The following NRG3 variants were observed in gnomAD, a reference collection of about 807,000 sequenced individuals.
NRG3 encodes neuregulin 3.
In NRG3, 31 loss-of-function variants were observed where a neutral mutation model predicts 66.9. The observed-to-expected ratio is 0.46, with a 90% confidence interval of 0.35 to 0.63. The LOEUF is 0.63. Ranked by LOEUF, NRG3 falls within the 20% of genes least tolerant of loss-of-function variation. The probability of loss-of-function intolerance (pLI) is 0.00; values close to 1 mark genes in which losing one functional copy is unlikely to be tolerated. For missense variants in NRG3, 910 were observed against 878.9 expected (o/e 1.04, Z -0.45); for synonymous variants, 393 against 359.4 (o/e 1.09, Z -1.06).
rs988044624 is a variant in NRG3 at position 81,964,897 on chromosome 10, T to A, written c.823+88734T>A. Among the ~76,000 whole-genome samples the A allele has an allele frequency of 2.6e-5, 4 of 152,238 alleles. 1 individual carries two copies. Among genetic ancestry groups the A allele is most frequent in the African/African-American group, 9.6e-5 (4 of 41,454 alleles). The stretch of plus-strand genomic sequence containing the variant: ...TTTCATCTTCTGTGACTATGTTTTG[T>A]TCATTTTATTATGGATACCATAGAA... On this transcript the variant is annotated intron_variant, in intron 1 of 8. Coordinates refer to ENST00000372141, the MANE Select transcript of NRG3 (RefSeq NM_001010848.4).
At chr10:82,845,683 A>G (rs1440157935) in intron 3 of NRG3, among the ~76,000 whole-genome samples, 4 of 152,246 alleles carry the variant, frequency 2.6e-5, no homozygotes, top group Admixed American at 2.0e-4. Flanking sequence ...TTTGCAATAT[A>G]TGAGGGAGAA....
rs146908467 is a variant in NRG3 at position 82,437,000 on chromosome 10, G to A, written c.953+78132G>A. Among the ~76,000 whole-genome samples the A allele has an allele frequency of 3.7e-3, 564 of 152,202 alleles. 1 individual carries two copies. The highest frequency in any genetic ancestry group is 0.013 in the African/African-American group (534 of 41,538). ...CCTTCATTTTAACCTTGGAGAATCT[G>A]ACGATTATGTGTCTTGGGGTTGATC... is the stretch of plus-strand genomic sequence containing the variant. On this transcript the variant is annotated intron_variant, in intron 2 of 8. Coordinates refer to ENST00000372141, the MANE Select transcript of NRG3 (RefSeq NM_001010848.4).
At position 81,938,851 on chromosome 10, in the gene NRG3, A is replaced by G. The variant is rs1848150201; in HGVS notation, c.823+62688A>G. 2.0e-5 allele frequency among the ~76,000 whole-genome samples: 3 copies of G among 151,934 alleles called. No homozygotes were observed. In the South Asian group the frequency reaches 6.2e-4, roughly 32 times the overall value. On this transcript the variant is annotated intron_variant, in intron 1 of 8. Coordinates refer to ENST00000372141, the MANE Select transcript of NRG3 (RefSeq NM_001010848.4). ...TGCCTTCTTCCTGATCATAGGGGAA[A>G]AGCTTTGAATTTTTTCTTGTTGAGT...
At chr10:82,453,583 A>G (rs2091123186) in intron 2 of NRG3, among the ~76,000 whole-genome samples, 1 of 152,172 alleles carries the variant, frequency 6.6e-6, no homozygotes. Flanking sequence ...TTATGTAGAG[A>G]GAAACCAATG....
chr10:81,975,155 A>G (rs2060072240), intron 1 of NRG3, among the ~76,000 whole-genome samples: 1 of 152,138 alleles, frequency 6.6e-6, no homozygotes, highest in South Asian at 2.1e-4. Flanking sequence ...AACTTGTTTT[A>G]TCCAAGGTGC....
chr10:82,290,024 A>G (rs570042578), intron 1 of NRG3, among the ~76,000 whole-genome samples: 3 of 152,228 alleles, frequency 2.0e-5, no homozygotes, highest in Non-Finnish European at 4.4e-5. Flanking sequence ...TGATCACTCA[A>G]AATGGATTTG....
chr10:82,303,981 A>C lies in NRG3; in HGVS notation c.824-54758A>C, dbSNP rs79793601. On this transcript the variant is annotated intron_variant, in intron 1 of 8. Coordinates refer to ENST00000372141, the MANE Select transcript of NRG3 (RefSeq NM_001010848.4). The stretch of plus-strand genomic sequence containing the variant: ...TGCTATCACAAGCAATGTAACATGA[A>C]TGACATTGTCATTTCCTGTGTAGGC... Among the ~76,000 whole-genome samples, 1,308 of 152,318 alleles carry C rather than the reference A, an allele frequency of 8.6e-3. 15 individuals carry two copies. The highest frequency in any genetic ancestry group is 0.029 in the African/African-American group (1,208 of 41,568).
Position 82,058,803 on chromosome 10 carries a change from C to A in NRG3, c.823+182640C>A, listed in dbSNP as rs966008581. On this transcript the variant is annotated intron_variant, in intron 1 of 8. Transcript: ENST00000372141. ...CCCTAAATCTAGGCACTACAGACAA[C>A]TGAAGAGGCAGTTCTTATTTAGGGT... 2.6e-5 allele frequency among the ~76,000 whole-genome samples: 4 copies of A among 152,054 alleles called. No homozygotes were observed. In the East Asian group the frequency reaches 7.7e-4, roughly 29 times the overall value.
At chr10:82,754,358 C>T (rs1193424684) in intron 3 of NRG3, among the ~76,000 whole-genome samples, 3 of 151,120 alleles carry the variant, frequency 2.0e-5, no homozygotes, top group Non-Finnish European at 4.4e-5. Flanking sequence ...CTTCCATATC[C>T]CCCAAAATTT....
chr10:82,257,926 A>G (rs1017124070), intron 1 of NRG3, among the ~76,000 whole-genome samples: 3 of 152,172 alleles, frequency 2.0e-5, no homozygotes, highest in African/African-American at 7.2e-5. Flanking sequence ...TTACCTGCTA[A>G]CTACAGGGCC....
intron 1 of NRG3, among the ~76,000 whole-genome samples, chr10:82,308,031 TA>T (rs2080837193): frequency 6.6e-6 from 1 of 152,208 alleles, no homozygotes; most frequent in Non-Finnish European, 1.5e-5. Flanking sequence ...CTATTTTTGA[TA>T]TTTTTTCTTA....
At chr10:82,336,447 T>A (rs938094059) in intron 1 of NRG3, among the ~76,000 whole-genome samples, 5 of 152,176 alleles carry the variant, frequency 3.3e-5, no homozygotes, top group African/African-American at 1.2e-4. Flanking sequence ...TAAATTGGAA[T>A]TTCTGTTAAA....
chr10:82,148,500 C>A (rs2070432292), intron 1 of NRG3, among the ~76,000 whole-genome samples: 1 of 151,974 alleles, frequency 6.6e-6, no homozygotes. Context: ...GCTTAAATAT[C>A]TTGTCTTATT....
At chr10:82,645,516 C>CCAAAGTCATTCTT (rs2050869086) in intron 2 of NRG3, among the ~76,000 whole-genome samples, 1 of 152,162 alleles carries the variant, frequency 6.6e-6, no homozygotes, top group African/African-American at 2.4e-5. Context: ...CATAATTGCT[C>CCAAAGTCATTCTT]CAAAGTCATT....
chr10:81,998,831 A>G (rs902282564), intron 1 of NRG3, among the ~76,000 whole-genome samples: 14 of 152,126 alleles, frequency 9.2e-5, no homozygotes, highest in Admixed American at 5.2e-4. Flanking sequence ...ACATAGCATG[A>G]AAACTTTGTG....
At chr10:82,909,435 C>T (rs1025375230) in intron 4 of NRG3, among the ~76,000 whole-genome samples, 4 of 152,098 alleles carry the variant, frequency 2.6e-5, no homozygotes, top group African/African-American at 7.2e-5. Context: ...CTTTTACACC[C>T]GACCTCATGT....
At chr10:82,667,652 C>A (rs2052909183) in intron 2 of NRG3, among the ~76,000 whole-genome samples, 1 of 152,034 alleles carries the variant, frequency 6.6e-6, no homozygotes, top group Non-Finnish European at 1.5e-5. Flanking sequence ...CCTGGGGCAC[C>A]CCCAGCCAAG....
intron 2 of NRG3, among the ~76,000 whole-genome samples, chr10:82,570,473 C>T (rs879194717): frequency 3.3e-5 from 5 of 151,714 alleles, no homozygotes; most frequent in African/African-American, 1.2e-4. Flanking sequence ...TCTCACATAA[C>T]AAGCACTGTG....
rs199914225 is a variant in NRG3 at position 82,335,964 on chromosome 10, G to A, written c.824-22775G>A. On this transcript the variant is annotated intron_variant, in intron 1 of 8. Transcript: ENST00000372141. ...ATAATAAATATTTTAGAGTTTATGG[G>A]TCAGATGGTTTCTTTCACAACTACT... Among the ~76,000 whole-genome samples the A allele has an allele frequency of 7.2e-5, 11 of 152,202 alleles. No individual in the cohort carries two copies. The East Asian group carries it at 1.7e-3, about 24-fold the overall frequency.
Sources: gnomAD v4.1 joint callset for allele counts (sites outside exome capture counted in the v4.1 genomes callset) on GRCh38, gnomAD v4.1.1 for gene constraint, MANE v1.5 for transcripts, NCBI Gene and HGNC (gene_info 2026-07-23, HGNC 2026-07-21) for gene names.